Variants in PTPRG observed in about 807,000 individuals in gnomAD.
PTPRG encodes protein tyrosine phosphatase receptor type G.
PTPRG carries 102 observed loss-of-function variants against 165.3 expected under a neutral mutation model. The observed-to-expected ratio is 0.62, with a 90% CI of 0.53 to 0.73. The LOEUF is 0.73. PTPRG is among the 30% of genes least tolerant of loss of function. PTPRG has a pLI of 0.00. For synonymous variants in PTPRG, 675 were observed against 669.5 expected (o/e 1.01, Z -0.13); for missense variants, 1,866 against 1,861.4 (o/e 1.00, Z -0.05).
intron 1 of PTPRG, among the ~76,000 whole-genome samples, chr3:61,721,585 T>C (rs1035028116): frequency 9.2e-5 from 14 of 152,212 alleles, no homozygotes; most frequent in African/African-American, 2.7e-4. Flanking sequence ...AAGAACATTA[T>C]ATTTTTGGAT....
chr3:61,817,506 C>T (rs1022115388), intron 2 of PTPRG, among the ~76,000 whole-genome samples: 1 of 151,912 alleles, frequency 6.6e-6, no homozygotes, highest in Admixed American at 6.6e-5. Context: ...ATCCCAAATT[C>T]TTCCATGGAA....
chr3:62,203,731 CAGG>C lies in PTPRG; in HGVS notation c.1938_1940del (p.Gln646_Asp647delinsHis). The C allele has an allele frequency of 1.9e-6, 3 of 1,595,680 alleles. No homozygotes were observed. The highest frequency in any genetic ancestry group is 2.6e-6 in the Non-Finnish European group (3 of 1,170,638). Reference sequence around the variant, plus strand: ...GCATCAGACTATACCTGGGCATGAGCAGGATCACACTGCCGTCCCCACAGACCA... The same window carrying C: ...GCATCAGACTATACCTGGGCATGAGCATCACACTGCCGTCCCCACAGACCA... On this transcript the variant is annotated inframe_deletion, in exon 12 of 30. Coordinates refer to ENST00000474889, the MANE Select transcript of PTPRG (RefSeq NM_002841.4). The surrounding 1 kb of genome is among the most constrained non-coding windows in gnomAD (Gnocchi z 6.4).
At chr3:61,865,487 C>G (rs2037380393) in intron 2 of PTPRG, among the ~76,000 whole-genome samples, 1 of 152,152 alleles carries the variant, frequency 6.6e-6, no homozygotes, top group Non-Finnish European at 1.5e-5. Context: ...ATAACCTTGA[C>G]CTAGTACCCA....
intron 1 of PTPRG, among the ~76,000 whole-genome samples, chr3:61,640,404 ATCC>A (rs568796604): frequency 9.2e-5 from 14 of 152,026 alleles, no homozygotes; most frequent in South Asian, 4.2e-4. Flanking sequence ...ATATGTGTTG[ATCC>A]TCCTCCTCCT....
At chr3:61,584,070 T>C (rs1240860455) in intron 1 of PTPRG, among the ~76,000 whole-genome samples, 1 of 152,184 alleles carries the variant, frequency 6.6e-6, no homozygotes. Context: ...ATTTTGAGCT[T>C]TTTATCTTCG....
chr3:62,021,729 C>T (rs1274431311), intron 4 of PTPRG, among the ~76,000 whole-genome samples: 1 of 152,038 alleles, frequency 6.6e-6, no homozygotes, highest in Non-Finnish European at 1.5e-5. Flanking sequence ...TATATGTCAG[C>T]TCTGAAACTG....
Position 62,184,877 on chromosome 3 carries a change from G to A in PTPRG, c.1034-6592G>A, listed in dbSNP as rs567536099. Among the ~76,000 whole-genome samples the A allele has an allele frequency of 2.0e-4, 31 of 152,200 alleles. No individual in the cohort carries two copies. In the East Asian group the frequency reaches 5.0e-3, roughly 25 times the overall value. On this transcript the variant is annotated intron_variant, in intron 8 of 29. Transcript: ENST00000474889. ...CAATATTTGGCCAGTTGCGTCGGGTGTGAAACTCCGAGGGGGCAGGTGCTG... is the reference window on the plus strand; with the variant it reads ...CAATATTTGGCCAGTTGCGTCGGGTATGAAACTCCGAGGGGGCAGGTGCTG...
At chr3:61,925,079 C>G (rs189384214) in intron 2 of PTPRG, among the ~76,000 whole-genome samples, 93 of 152,326 alleles carry the variant, frequency 6.1e-4, no homozygotes, top group Middle Eastern at 3.4e-3. Flanking sequence ...AAATAAATTT[C>G]TATTAGTTAA....
At chr3:61,991,764 G>C (rs1400655466) in intron 3 of PTPRG, among the ~76,000 whole-genome samples, 1 of 152,152 alleles carries the variant, frequency 6.6e-6, no homozygotes, top group African/African-American at 2.4e-5. Flanking sequence ...ACAATCACTG[G>C]GCTCTCTGAT....
At position 62,276,918 on chromosome 3, in the gene PTPRG, G is replaced by A. The variant is rs912938177; in HGVS notation, c.3560-54G>A. 17 of 1,372,522 alleles carry A rather than the reference G, an allele frequency of 1.2e-5. No individual in the cohort carries two copies. In the African/African-American group the frequency reaches 2.4e-4, roughly 20 times the overall value. The allele number at this position is 1,372,522 out of a possible 1,614,324, so 85.0% of individuals were successfully genotyped here. On this transcript the variant is annotated intron_variant, in intron 24 of 29. Coordinates refer to ENST00000474889, the MANE Select transcript of PTPRG (RefSeq NM_002841.4). ...AAGCAAATCTCAGAAAGAGCTGTTGGTTCTGTGTGTATAATAAGGCAAATG... is the reference window on the plus strand; with the variant it reads ...AAGCAAATCTCAGAAAGAGCTGTTGATTCTGTGTGTATAATAAGGCAAATG...
chr3:61,617,222 C>G (rs1250818207), intron 1 of PTPRG, among the ~76,000 whole-genome samples: 2 of 152,218 alleles, frequency 1.3e-5, no homozygotes, highest in African/African-American at 4.8e-5. Flanking sequence ...GACCCGGATA[C>G]AGACAGGGCC....
chr3:61,786,398 C>A (rs1047170569), intron 2 of PTPRG, among the ~76,000 whole-genome samples: 1 of 152,108 alleles, frequency 6.6e-6, no homozygotes. Context: ...TGTATTTGGC[C>A]GTGGCTTGAC....
At chr3:61,597,233 A>G (rs925246840) in intron 1 of PTPRG, among the ~76,000 whole-genome samples, 4 of 152,188 alleles carry the variant, frequency 2.6e-5, no homozygotes, top group Non-Finnish European at 4.4e-5. Context: ...ATTGGGGAGC[A>G]GGTTTCCAGC....
intron 1 of PTPRG, among the ~76,000 whole-genome samples, chr3:61,717,331 A>C (rs2031851892): frequency 6.6e-6 from 1 of 152,172 alleles, no homozygotes; most frequent in African/African-American, 2.4e-5. Context: ...TTCCCATTTT[A>C]CAGATGAGGA....
chr3:61,848,386 CA>C (rs1470526424), intron 2 of PTPRG, among the ~76,000 whole-genome samples: 1 of 152,210 alleles, frequency 6.6e-6, no homozygotes, highest in African/African-American at 2.4e-5. Flanking sequence ...GACCTCTGAG[CA>C]GCCCATTTTG....
chr3:62,080,229 C>T (rs964248651), intron 5 of PTPRG, among the ~76,000 whole-genome samples: 3 of 138,998 alleles, frequency 2.2e-5, no homozygotes, highest in Admixed American at 6.9e-5. Flanking sequence ...CTACTATGCC[C>T]AGCTAATTTT....
intron 2 of PTPRG, among the ~76,000 whole-genome samples, chr3:61,973,698 G>T (rs772716265): frequency 1.3e-5 from 2 of 152,126 alleles, no homozygotes; most frequent in Middle Eastern, 3.4e-3. Flanking sequence ...TGGGCGTGGT[G>T]GTGGGCGCCT....
At chr3:61,632,032 C>T (rs546578109) in intron 1 of PTPRG, among the ~76,000 whole-genome samples, 1 of 152,218 alleles carries the variant, frequency 6.6e-6, no homozygotes, top group African/African-American at 2.4e-5. Context: ...CAGCTGGGTG[C>T]CGTGGCTCAC....
At chr3:62,058,528 A>C (rs963433416) in intron 4 of PTPRG, among the ~76,000 whole-genome samples, 3 of 151,826 alleles carry the variant, frequency 2.0e-5, no homozygotes, top group African/African-American at 7.3e-5. Flanking sequence ...CCTCCCCCTC[A>C]TACACACCTT....
Sources: gnomAD v4.1 joint callset for allele counts (sites outside exome capture counted in the v4.1 genomes callset) on GRCh38, gnomAD v4.1.1 for gene constraint, Gnocchi (gnomAD v3.1) non-coding constraint, MANE v1.5 for transcripts, NCBI Gene and HGNC (gene_info 2026-07-23, HGNC 2026-07-21) for gene names.